The following CCDC125 variants were observed in gnomAD, a reference collection of about 807,000 sequenced individuals.
The protein encoded by CCDC125 is coiled-coil domain-containing protein 125.
Under a neutral mutation model 57.4 loss-of-function variants are expected in CCDC125, and 43 were observed. The observed-to-expected ratio is 0.75, with a 90% CI of 0.59 to 0.97. CCDC125 has a LOEUF of 0.97. Ranked by LOEUF, CCDC125 falls within the 50% of genes least tolerant of loss-of-function variation. CCDC125 has a pLI of 0.00. For missense variants in CCDC125, 563 were observed against 595.7 expected (o/e 0.95, Z 0.57); for synonymous variants, 187 against 195.2 (o/e 0.96, Z 0.35).
chr5:69,328,172 A>G (rs551990634), intron 1 of CCDC125, among the ~76,000 whole-genome samples: 1 of 152,332 alleles, frequency 6.6e-6, no homozygotes, highest in African/African-American at 2.4e-5. Flanking sequence ...CTGGGATTAT[A>G]GGCGTGAGCC....
At chr5:69,278,943 T>C (rs1165040335), downstream of CCDC125, among the ~76,000 whole-genome samples, 1 of 150,982 alleles carries the variant, frequency 6.6e-6, no homozygotes, top group African/African-American at 2.4e-5. Flanking sequence ...CTCAGCTCAC[T>C]GTAACCTCTG....
Position 69,300,257 on chromosome 5 carries a change from GA to G in CCDC125, c.701-131del, listed in dbSNP as rs1247043022. The G allele has an allele frequency of 7.4e-6, 5 of 674,692 alleles. No homozygotes were observed. In the Admixed American group the frequency reaches 1.2e-4, roughly 16 times the overall value. The allele number at this position is 674,692 out of a possible 1,614,324, so 41.8% of individuals were successfully genotyped here. A position where few individuals can be genotyped will look rare whatever the true frequency, so the allele number is the denominator to read the frequency against. On this transcript the variant is annotated intron_variant, in intron 7 of 11. Transcript: ENST00000396496. ...TACCCACAACATCGGGCTCCATTCA[GA>G]AAACCTATCTGATAGAATAGTGAGT...
rs11416561 is a variant in CCDC125, at chr5:69,295,558, TA to T, written c.817-659del. Among the ~76,000 whole-genome samples, 2,812 of 152,278 alleles carry T rather than the reference TA, an allele frequency of 0.018. 141 individuals are homozygous for T. In the East Asian group the frequency reaches 0.21, roughly 11 times the overall value. ...CCTCTTCCTCGTTGCTCTTGTTCTG[TA>T]AATGAGGAGGAGAGACCAGAGACCA... On this transcript the variant is annotated intron_variant, in intron 8 of 11. Transcript: ENST00000396496.
downstream of CCDC125, among the ~76,000 whole-genome samples, chr5:69,280,014 C>A (rs1418589991): frequency 1.3e-5 from 2 of 152,042 alleles, no homozygotes; most frequent in Non-Finnish European, 2.9e-5. Flanking sequence ...TGAGAACTCA[C>A]AATCATGAGA....
rs564347627 is a variant in CCDC125, at chr5:69,306,820, T to C, written c.614A>G (p.Asp205Gly). The C allele has an allele frequency of 2.0e-6, 3 of 1,490,518 alleles. No homozygotes were observed. In the African/African-American group the frequency reaches 4.3e-5, roughly 21 times the overall value. 92.3% of individuals were successfully genotyped at this position (1,490,518 alleles called of 1,614,324 possible). A position where few individuals can be genotyped will look rare whatever the true frequency, so the allele number is the denominator to read the frequency against. Residue 205 changes from aspartate (D) to glycine (G), a missense_variant, in exon 6 of 12, where the codon GAC becomes GGC. Physicochemically the swap from Asp to Gly is moderately conservative, Grantham distance 94. Coordinates refer to ENST00000396496, the MANE Select transcript of CCDC125 (RefSeq NM_176816.5). Reference protein sequence around the residue: ...NIEESWIQKYDRLNCENAVLK... With the variant: ...NIEESWIQKYGRLNCENAVLK... ...AATAATGGAGTAATATACAAACCTG[T>C]CATATTTTTGGATCCAAGATTCCTC...
chr5:69,281,749 T>C lies in CCDC125; in HGVS notation c.*980A>G, dbSNP rs1439362470. 1 of 152,168 alleles carries C rather than the reference T, an allele frequency of 6.6e-6. No individual in the cohort carries two copies. Among genetic ancestry groups the C allele is most frequent in the Non-Finnish European group, 1.5e-5 (1 of 68,034 alleles). The allele number at this position is 152,168 out of a possible 1,614,324, so 9.4% of individuals were successfully genotyped here. On this transcript the variant is annotated 3_prime_UTR_variant, in exon 12 of 12. Coordinates refer to ENST00000396496, the MANE Select transcript of CCDC125 (RefSeq NM_176816.5). ...TCAGTCAGTCCTAGGTATTGTTACT[T>C]TTTAGAGCATTAAGATACATTGCTA...
intron 3 of CCDC125, among the ~76,000 whole-genome samples, chr5:69,313,175 G>A (rs980128219): frequency 6.6e-6 from 1 of 152,172 alleles, no homozygotes; most frequent in Admixed American, 6.5e-5. Context: ...GTTTCGGAAG[G>A]CCAGAACCAT....
Position 69,303,911 on chromosome 5 carries a change from T to G in CCDC125, c.636A>C (p.Ala212=), listed in dbSNP as rs1363415095. 4 of 1,605,022 alleles carry G rather than the reference T, an allele frequency of 2.5e-6. No homozygotes were observed. In the Admixed American group the frequency reaches 6.8e-5, roughly 27 times the overall value. ...QKYDRLNCEN[A]VLKENLKVKT... The stretch of plus-strand genomic sequence containing the variant: ...TCACTTTCAAATTCTCTTTGAGGAC[T>G]GCATTTTCACAGTTTAGCCTGGAAA... Residue 212 remains alanine, a synonymous_variant, in exon 7 of 12, where the codon GCA becomes GCC. Coordinates refer to ENST00000396496, the MANE Select transcript of CCDC125 (RefSeq NM_176816.5).
At chr5:69,304,458 C>T (rs1280747294) in intron 6 of CCDC125, among the ~76,000 whole-genome samples, 1 of 141,426 alleles carries the variant, frequency 7.1e-6, no homozygotes, top group Non-Finnish European at 1.5e-5. Flanking sequence ...CGGAGTCTTG[C>T]TCTGTTACCT....
Position 69,311,134 on chromosome 5 carries a change from T to G in CCDC125, c.437A>C (p.Lys146Thr), listed in dbSNP as rs1561459181. 1 of 1,605,944 alleles carries G rather than the reference T, an allele frequency of 6.2e-7. No homozygotes were observed. Among genetic ancestry groups the G allele is most frequent in the African/African-American group, 1.3e-5 (1 of 74,846 alleles). The change falls in exon 4 of 12, where the codon AAA (lysine) becomes ACA (threonine). Residue 146 changes from lysine (K) to threonine (T), a missense_variant. Lys to Thr is a moderately conservative substitution (Grantham distance 78). Transcript: ENST00000396496. ...ACTTCTTACCATGCTTTGAAGAATT[T>G]TCAATGCTTCCTCTTTACCTCTGAG... ...RQLRGKEEALKILQSMAILGK... is the reference protein window; with the variant it reads ...RQLRGKEEALTILQSMAILGK...
intron 11 of CCDC125, among the ~76,000 whole-genome samples, chr5:69,284,222 A>T (rs963068851): frequency 6.6e-6 from 1 of 152,182 alleles, no homozygotes; most frequent in Non-Finnish European, 1.5e-5. Flanking sequence ...ATATAATATC[A>T]ACATATAAAA....
At chr5:69,279,735 C>G (rs940124237), downstream of CCDC125, among the ~76,000 whole-genome samples, 3 of 152,036 alleles carry the variant, frequency 2.0e-5, no homozygotes, top group Admixed American at 2.0e-4. Context: ...AGCTAAGAGT[C>G]CAGGAGATAA....
downstream of CCDC125, among the ~76,000 whole-genome samples, chr5:69,275,273 C>G (rs973967238): frequency 6.6e-6 from 1 of 152,100 alleles, no homozygotes; most frequent in African/African-American, 2.4e-5. Context: ...AAATTTCTGT[C>G]CATTTGCAAT....
At chr5:69,297,568 G>A (rs1755582136) in intron 8 of CCDC125, among the ~76,000 whole-genome samples, 1 of 151,770 alleles carries the variant, frequency 6.6e-6, no homozygotes, top group Non-Finnish European at 1.5e-5. Flanking sequence ...GTGTTGGTCA[G>A]GCTGGTCTCA....
At chr5:69,294,121 A>T (rs998526889) in intron 9 of CCDC125, 1 of 983,094 alleles carries the variant, frequency 1.0e-6, no homozygotes, top group African/African-American at 1.7e-5. Flanking sequence ...GTTCAAATAC[A>T]TTCCATGCTT....
intron 2 of CCDC125, among the ~76,000 whole-genome samples, chr5:69,318,298 T>C (rs1412992685): frequency 6.6e-6 from 1 of 151,714 alleles, no homozygotes; most frequent in Non-Finnish European, 1.5e-5. Flanking sequence ...TTCTTTTAAA[T>C]TAGCCGGATA....
intron 11 of CCDC125, among the ~76,000 whole-genome samples, chr5:69,283,282 C>T (rs1434196044): frequency 1.3e-5 from 2 of 149,414 alleles, no homozygotes; most frequent in Non-Finnish European, 3.0e-5. Context: ...TGCAGTGGCA[C>T]TATCTCCACT....
chr5:69,285,435 C>A lies in CCDC125; in HGVS notation c.1132G>T (p.Gly378Trp), dbSNP rs528487517. ...FPSPRSKKTF[G>W]QRLLGMLPSE... ...GGGAGCATACCCAACAGTCTCTGCC[C>A]GAAGGTCTTCTTACTCCTTGGTGAT... Residue 378 changes from glycine to tryptophan, a missense_variant, in exon 11 of 12, where the codon GGG (glycine) becomes TGG (tryptophan). By Grantham distance (184) the Gly-to-Trp change is radical. Transcript: ENST00000396496. 2 of 1,606,740 alleles carry A rather than the reference C, an allele frequency of 1.2e-6. No homozygotes were observed. Among genetic ancestry groups the A allele is most frequent in the South Asian group, 1.1e-5 (1 of 89,910 alleles).
chr5:69,277,629 G>A (rs1426817076), downstream of CCDC125, among the ~76,000 whole-genome samples: 1 of 152,074 alleles, frequency 6.6e-6, no homozygotes. Context: ...AATTAGCTGG[G>A]CGTGGTGGTG....
Sources: allele counts gnomAD v4.1 joint callset (sites outside exome capture counted in the v4.1 genomes callset), GRCh38; gene constraint gnomAD v4.1.1; transcripts MANE v1.5; gene names NCBI Gene and HGNC (gene_info 2026-07-23, HGNC 2026-07-21).